NF1: variants seen among roughly 807,000 people sequenced by gnomAD.
The protein encoded by NF1 is neurofibromin.
NF1 carries 122 observed loss-of-function variants against 325.7 expected under a neutral mutation model. The ratio of observed to expected loss-of-function variants is 0.37; its 90% confidence interval spans 0.32 to 0.44. The LOEUF (loss-of-function observed/expected upper bound fraction) is 0.44, where lower values mean the gene tolerates loss of function less well. Ranked by LOEUF, NF1 falls within the 20% of genes least tolerant of loss-of-function variation. NF1 has a pLI of 1.00. For missense variants in NF1, 2,140 were observed against 3,415.4 expected, an observed-to-expected ratio of 0.63 and a Z score of 9.31; for synonymous variants, 1,091 against 1,186.0, an observed-to-expected ratio of 0.92 and a Z score of 1.65.
chr17:31,166,806 C>G (rs1163824138), intron 4 of NF1, among the ~76,000 whole-genome samples: 1 of 152,058 alleles, frequency 6.6e-6, no homozygotes, highest in Non-Finnish European at 1.5e-5. Context: ...TATCCAGTCT[C>G]CATGTGGATG....
chr17:31,286,039 AT>A (rs1163303906), intron 36 of NF1, among the ~76,000 whole-genome samples: 2 of 152,140 alleles, frequency 1.3e-5, no homozygotes, highest in African/African-American at 2.4e-5. Context: ...ATATACGAAT[AT>A]TTTTTACTAA....
intron 36 of NF1, chr17:31,295,720 T>C (rs754911683): frequency 6.2e-7 from 1 of 1,614,210 alleles, no homozygotes; most frequent in South Asian, 1.1e-5. Context: ...CTGGAATGAA[T>C]GTGAACTTAT....
rs2070327151 is a variant in NF1 at position 31,358,557 on chromosome 17, G to A, written c.8048G>A (p.Gly2683Glu). 1 of 1,613,752 alleles carries A rather than the reference G, an allele frequency of 6.2e-7. No homozygotes were observed. The highest frequency in any genetic ancestry group is 2.2e-5 in the East Asian group (1 of 44,856). ...QDPNLLNPIHGIVQSVVYHEE... is the reference protein window; with the variant it reads ...QDPNLLNPIHEIVQSVVYHEE... The stretch of plus-strand genomic sequence containing the variant: ...CCAAATTTGTTAAATCCAATCCATG[G>A]AATTGTGCAGAGTGTGGTGTACCAT... Residue 2683 changes from glycine (G) to glutamate (E), a missense_variant, in exon 55 of 58, where the codon GGA becomes GAA. Transcript: ENST00000358273.
chr17:31,254,864 G>A (rs1461541412), intron 31 of NF1, among the ~76,000 whole-genome samples: 1 of 152,064 alleles, frequency 6.6e-6, no homozygotes, highest in East Asian at 1.9e-4. Flanking sequence ...GGTAATTCGA[G>A]ATATTTTAGA....
In NF1 at chr17:31,350,315, A is replaced by G. The variant is rs1022605462; in HGVS notation, c.7454A>G (p.Tyr2485Cys). The G allele has an allele frequency of 6.2e-7, 1 of 1,611,894 alleles. No individual in the cohort carries two copies. The highest frequency in any genetic ancestry group is 1.3e-5 in the African/African-American group (1 of 74,882). ...TYPIHHGDPS[Y>C]RTLKETQPWS... ...CCCATTCATCATGGTGACCCTTCCT[A>G]TAGGTAAGTGGATTTACTCTCCTAT... The change falls in exon 50 of 58, where the codon TAT (tyrosine) becomes TGT (cysteine). Residue 2485 changes from tyrosine to cysteine, a missense_variant. By Grantham distance (194) the Tyr-to-Cys change is radical (BLOSUM62 -2). This residue lies in a region of NF1 where 522 missense variants were observed against 749.0 expected (regional missense o/e 0.70). Coordinates refer to ENST00000358273, the MANE Select transcript of NF1 (RefSeq NM_001042492.3).
At chr17:31,187,337 TATAGGTGTG>T (rs1283169167) in intron 8 of NF1, among the ~76,000 whole-genome samples, 8 of 152,302 alleles carry the variant, frequency 5.3e-5, no homozygotes, top group Non-Finnish European at 1.0e-4. Context: ...TACCTGGGAC[TATAGGTGTG>T]CGCCACCACG....
chr17:31,102,990 C>T (rs1227579308), intron 1 of NF1, among the ~76,000 whole-genome samples: 2 of 151,688 alleles, frequency 1.3e-5, no homozygotes, highest in Non-Finnish European at 2.9e-5. Flanking sequence ...GCATTACAGG[C>T]ACGTACTACC....
chr17:31,238,081 G>A (rs2067233601), intron 29 of NF1, among the ~76,000 whole-genome samples: 1 of 152,188 alleles, frequency 6.6e-6, no homozygotes, highest in Non-Finnish European at 1.5e-5. Flanking sequence ...AGAAGCTGCT[G>A]GAGCCAGTAA....
intron 1 of NF1, chr17:31,138,287 A>AG (rs1319711408): frequency 6.6e-6 from 1 of 151,712 alleles, no homozygotes; most frequent in African/African-American, 2.4e-5. Context: ...TTCTTGAGAC[A>AG]GGGTCTGGCT....
chr17:31,304,096 T>C (rs2068640978), intron 36 of NF1: 1 of 593,652 alleles, frequency 1.7e-6, no homozygotes, highest in Non-Finnish European at 2.8e-6. Flanking sequence ...TAAATAACTT[T>C]TTTTAAAAAA....
intron 47 of NF1, among the ~76,000 whole-genome samples, chr17:31,340,991 A>G (rs938615933): frequency 6.6e-6 from 1 of 152,178 alleles, no homozygotes; most frequent in Non-Finnish European, 1.5e-5. Flanking sequence ...GCCAGGCCGT[A>G]TGCTAAACAC....
chr17:31,181,222 G>T (rs2066126101), intron 5 of NF1, among the ~76,000 whole-genome samples, 200 bp from the exon 6 acceptor site: 1 of 152,070 alleles, frequency 6.6e-6, no homozygotes, highest in African/African-American at 2.4e-5. Flanking sequence ...GATGTCCAAG[G>T]CATATTTGCT....
chr17:31,269,644 T>C (rs2067854958), intron 36 of NF1, among the ~76,000 whole-genome samples: 1 of 152,224 alleles, frequency 6.6e-6, no homozygotes, highest in Non-Finnish European at 1.5e-5. Flanking sequence ...AGAACATCTG[T>C]CTTCTCTGGC....
intron 12 of NF1, among the ~76,000 whole-genome samples, chr17:31,209,279 A>T (rs997961832): frequency 6.6e-6 from 1 of 152,230 alleles, no homozygotes; most frequent in Non-Finnish European, 1.5e-5. Context: ...TTTGGGACTG[A>T]TAAACCTGAG....
intron 1 of NF1, among the ~76,000 whole-genome samples, chr17:31,130,859 G>T (rs960475820): frequency 1.3e-5 from 2 of 152,234 alleles, no homozygotes; most frequent in Non-Finnish European, 2.9e-5. Context: ...AGGCAAAGCA[G>T]CATGGAGCAG....
At chr17:31,339,481 T>G (rs991766461) in intron 46 of NF1, among the ~76,000 whole-genome samples, 3 of 152,228 alleles carry the variant, frequency 2.0e-5, no homozygotes, top group Non-Finnish European at 4.4e-5. Context: ...AGTGGTTTAA[T>G]TCTGTGATTT....
chr17:31,375,664 C>G lies in NF1; in HGVS notation c.*1509C>G, dbSNP rs1567635362. 4.3e-6 allele frequency: 1 copy of G among 232,812 alleles called. No individual in the cohort carries two copies. Among genetic ancestry groups the G allele is most frequent in the East Asian group, 6.1e-5 (1 of 16,404 alleles). 14.4% of individuals were successfully genotyped at this position (232,812 alleles called of 1,614,324 possible). On this transcript the variant is annotated 3_prime_UTR_variant, in exon 58 of 58. Coordinates refer to ENST00000358273, the MANE Select transcript of NF1 (RefSeq NM_001042492.3). ...ATAAACCTAGGGGAGAGGGGAGTTT[C>G]CTGTAGTGCTGTTTCATTAGAGGAT...
chr17:31,353,214 A>G (rs1465565202), intron 51 of NF1, among the ~76,000 whole-genome samples: 2 of 152,136 alleles, frequency 1.3e-5, no homozygotes, highest in Non-Finnish European at 1.5e-5. Flanking sequence ...CGGCCGGAAG[A>G]TAGGATTCTT....
At chr17:31,244,073 G>T (rs1277830772) in intron 29 of NF1, among the ~76,000 whole-genome samples, 2 of 152,136 alleles carry the variant, frequency 1.3e-5, no homozygotes, top group East Asian at 3.9e-4. Flanking sequence ...TAAGACAGCA[G>T]ATTTCCTTCT....
Sources: allele counts gnomAD v4.1 joint callset (sites outside exome capture counted in the v4.1 genomes callset), GRCh38; gene constraint gnomAD v4.1.1; regional missense constraint gnomAD v4.1.1; transcripts MANE v1.5; gene names NCBI Gene and HGNC (gene_info 2026-07-23, HGNC 2026-07-21).